Variants in CPED1 observed in about 807,000 individuals in gnomAD.
CPED1 encodes cadherin like and PC-esterase domain containing 1.
In CPED1, 114 loss-of-function variants were observed where a neutral mutation model predicts 128.2. The ratio of observed to expected loss-of-function variants is 0.89; its 90% CI spans 0.76 to 1.04. The LOEUF (loss-of-function observed/expected upper bound fraction) is 1.04. Among genes scored for constraint, CPED1 ranks in the 50% least tolerant of loss-of-function variants. CPED1 has a pLI of 0.00. For missense variants in CPED1, 1,211 were observed against 1,207.1 expected, an observed-to-expected ratio of 1.00 and a Z score of -0.05; for synonymous variants, 462 against 426.7, an observed-to-expected ratio of 1.08 and a Z score of -1.02.
At chr7:121,015,538 C>A in intron 2 of CPED1, 127 bp from the exon 3 acceptor site, 2 of 778,878 alleles carry the variant, frequency 2.6e-6, no homozygotes, top group South Asian at 4.1e-5. Context: ...TTCAGAGAAA[C>A]TGCCTTTCAC....
chr7:121,003,431 G>A (rs143744484), intron 2 of CPED1, among the ~76,000 whole-genome samples: 1 of 152,254 alleles, frequency 6.6e-6, no homozygotes, highest in East Asian at 1.9e-4. Context: ...AGAGTTTAAG[G>A]ACTTGAAAAC....
At chr7:121,232,430 G>C (rs1175863081) in intron 16 of CPED1, among the ~76,000 whole-genome samples, 2 of 152,132 alleles carry the variant, frequency 1.3e-5, no homozygotes, top group Non-Finnish European at 2.9e-5. Context: ...TGTGGGATCT[G>C]CTAGTGTCCA....
intron 18 of CPED1, among the ~76,000 whole-genome samples, chr7:121,247,600 G>A (rs144721209): frequency 0.01 from 1,544 of 152,210 alleles, 11 homozygotes; most frequent in Middle Eastern, 0.031. Flanking sequence ...AATGGGTCCC[G>A]GGGAATAGAT....
chr7:121,125,753 T>C (rs1350111789), intron 8 of CPED1, 67 bp from the exon 9 acceptor site: 2 of 1,175,618 alleles, frequency 1.7e-6, no homozygotes, highest in East Asian at 2.3e-5. Flanking sequence ...CTGTTATAAA[T>C]AGTGCATTAA....
chr7:121,285,646 C>A (rs1204076460), intron 22 of CPED1, among the ~76,000 whole-genome samples: 1 of 152,196 alleles, frequency 6.6e-6, no homozygotes, highest in Non-Finnish European at 1.5e-5. Flanking sequence ...GCCACCTTTG[C>A]TCTAGTTCCC....
chr7:121,160,941 T>G (rs568854380), intron 16 of CPED1, among the ~76,000 whole-genome samples: 91 of 152,200 alleles, frequency 6.0e-4, no homozygotes, highest in Middle Eastern at 6.8e-3. Context: ...GAGACAATGA[T>G]CGAGGTCAAC....
intron 2 of CPED1, among the ~76,000 whole-genome samples, chr7:121,006,560 C>T (rs1318119783): frequency 6.6e-6 from 1 of 151,594 alleles, no homozygotes; most frequent in Non-Finnish European, 1.5e-5. Context: ...GGGACACACT[C>T]AGGAGTGATT....
At chr7:121,065,055 G>C (rs537608369) in intron 5 of CPED1, among the ~76,000 whole-genome samples, 2 of 152,174 alleles carry the variant, frequency 1.3e-5, no homozygotes, top group South Asian at 4.2e-4. Flanking sequence ...TCTCCTAGTT[G>C]ATTTGTTAAC....
intron 7 of CPED1, among the ~76,000 whole-genome samples, chr7:121,117,088 T>TATATATATATATATATAA (rs1795264312): frequency 7.0e-6 from 1 of 143,478 alleles, no homozygotes; most frequent in Non-Finnish European, 1.5e-5. Context: ...TATATATATA[T>TATATATATATATATATAA]ATATATATAT....
At chr7:121,265,467 G>T (rs776419953) in intron 18 of CPED1, among the ~76,000 whole-genome samples, 36 of 152,176 alleles carry the variant, frequency 2.4e-4, no homozygotes, top group Admixed American at 5.9e-4. Flanking sequence ...GGAACCTGTA[G>T]GATTATGTAA....
intron 16 of CPED1, among the ~76,000 whole-genome samples, chr7:121,166,036 A>AT (rs1404985057): frequency 6.6e-6 from 1 of 152,146 alleles, no homozygotes; most frequent in African/African-American, 2.4e-5. Flanking sequence ...TCAGTTTAAT[A>AT]TATCTGTTTT....
At position 121,266,758 on chromosome 7, in the gene CPED1, T is replaced by C; in HGVS notation, c.2583T>C (p.Val861=). The C allele has an allele frequency of 6.2e-7, 1 of 1,613,096 alleles. No individual in the cohort carries two copies. Among genetic ancestry groups the C allele is most frequent in the Non-Finnish European group, 8.5e-7 (1 of 1,179,358 alleles). The change falls in exon 20 of 23, where the codon GTT becomes GTC. Residue 861 remains valine (V), a synonymous_variant. Coordinates refer to ENST00000310396, the MANE Select transcript of CPED1 (RefSeq NM_024913.5). ...TGQTVLVVGG[V]QWLNSNHLQI... is the part of the protein sequence containing the mutation. ...AGACTGTATTGGTTGTTGGTGGTGT[T>C]CAGTGGCTTAATTCCAATCACCTGC... is the stretch of plus-strand genomic sequence containing the variant.
chr7:121,187,042 G>C (rs771820622), intron 16 of CPED1, among the ~76,000 whole-genome samples: 3 of 152,124 alleles, frequency 2.0e-5, no homozygotes, highest in Non-Finnish European at 2.9e-5. Context: ...ATTTTCTGGG[G>C]TACAGTGGGT....
chr7:121,138,667 GAATCTTTATAA>G (rs1458333735), intron 14 of CPED1, among the ~76,000 whole-genome samples: 1 of 151,994 alleles, frequency 6.6e-6, no homozygotes, highest in African/African-American at 2.4e-5. Flanking sequence ...AACTCTCAGA[GAATCTTTATAA>G]AAATATATTC....
chr7:120,999,515 C>T (rs1791767135), intron 2 of CPED1, among the ~76,000 whole-genome samples: 1 of 152,104 alleles, frequency 6.6e-6, no homozygotes, highest in Non-Finnish European at 1.5e-5. Flanking sequence ...AAGGAATTTC[C>T]ATTTTTAACA....
At chr7:120,996,309 C>T (rs1369703584) in intron 2 of CPED1, among the ~76,000 whole-genome samples, 1 of 151,646 alleles carries the variant, frequency 6.6e-6, no homozygotes, top group Non-Finnish European at 1.5e-5. Context: ...GGGAATTATC[C>T]TTAGAAATTT....
intron 5 of CPED1, among the ~76,000 whole-genome samples, chr7:121,066,704 T>C (rs1434443472): frequency 2.0e-5 from 3 of 152,238 alleles, no homozygotes; most frequent in African/African-American, 4.8e-5. Context: ...CCAGTGACTT[T>C]TTTATTTATA....
intron 5 of CPED1, among the ~76,000 whole-genome samples, chr7:121,084,028 T>C (rs1364926077): frequency 6.6e-6 from 1 of 152,236 alleles, no homozygotes; most frequent in Admixed American, 6.5e-5. Context: ...TAATCTAGTT[T>C]GGTGAGACTC....
Position 120,989,702 on chromosome 7 carries a change from T to C in CPED1, c.81T>C (p.Cys27=). 6.2e-7 allele frequency: 1 copy of C among 1,613,850 alleles called. No homozygotes were observed. Among genetic ancestry groups the C allele is most frequent in the South Asian group, 1.1e-5 (1 of 91,042 alleles). ...PFLVGLVVAI[C]LFYQTLTLRG... The stretch of plus-strand genomic sequence containing the variant: ...TGGTGGGCTTAGTGGTGGCAATCTG[T>C]CTCTTCTACCAGACTCTGACCCTCC... Residue 27 remains cysteine (C), a synonymous_variant, in exon 2 of 23, where the codon TGT becomes TGC. Transcript: ENST00000310396.
Sources: gnomAD v4.1 joint callset for allele counts (sites outside exome capture counted in the v4.1 genomes callset) on GRCh38, gnomAD v4.1.1 for gene constraint, MANE v1.5 for transcripts, NCBI Gene and HGNC (gene_info 2026-07-23, HGNC 2026-07-21) for gene names.